Variants in AKAIN1 observed in about 807,000 individuals in gnomAD.
AKAIN1 encodes the protein A-kinase anchor inhibitor 1.
A neutral mutation model predicts 3.7 loss-of-function variants in AKAIN1; 3 were observed. The observed-to-expected ratio is 0.82, with a 90% confidence interval of 0.37 to 2.12. The LOEUF is 2.12. Ranked by LOEUF, AKAIN1 falls within the 30% of genes most tolerant of loss-of-function variation. The pLI, the probability that AKAIN1 is intolerant of heterozygous loss-of-function variation, is 0.06. For missense variants in AKAIN1, 82 were observed against 82.7 expected (o/e 0.99, Z 0.03); for synonymous variants, 31 against 30.8 (o/e 1.01, Z -0.02).
chr18:5,187,496 G>A (rs935841205), intron 1 of AKAIN1, among the ~76,000 whole-genome samples: 1 of 152,154 alleles, frequency 6.6e-6, no homozygotes, highest in African/African-American at 2.4e-5. Flanking sequence ...ATGGTGGGAA[G>A]GTGGAAGGCA....
At chr18:5,171,509 C>T (rs536847655) in intron 1 of AKAIN1, among the ~76,000 whole-genome samples, 1 of 151,982 alleles carries the variant, frequency 6.6e-6, no homozygotes, top group Admixed American at 6.6e-5. Flanking sequence ...ATCTAATAAT[C>T]CAATAAAAAA....
intron 1 of AKAIN1, among the ~76,000 whole-genome samples, chr18:5,155,567 A>G (rs1482676618): frequency 6.6e-6 from 1 of 152,110 alleles, no homozygotes; most frequent in Non-Finnish European, 1.5e-5. Context: ...GTAGCCCTCT[A>G]TGAGAAACAA....
intron 1 of AKAIN1, among the ~76,000 whole-genome samples, chr18:5,190,767 T>C (rs185237762): frequency 2.0e-5 from 3 of 152,304 alleles, no homozygotes; most frequent in Non-Finnish European, 2.9e-5. Context: ...ATGAATGCCT[T>C]CTTCCTGTAT....
intron 1 of AKAIN1, among the ~76,000 whole-genome samples, chr18:5,195,995 T>C (rs1350107450): frequency 6.6e-6 from 1 of 152,082 alleles, no homozygotes; most frequent in East Asian, 1.9e-4. Context: ...GCTAATTGAA[T>C]TTTTTGAAGA....
chr18:5,176,715 G>T (rs9945996), intron 1 of AKAIN1, among the ~76,000 whole-genome samples: 20,954 of 152,028 alleles, frequency 0.14, 2,467 homozygotes, highest in African/African-American at 0.32. Context: ...AAAAGTAATG[G>T]CTAGATAATA....
chr18:5,195,241 A>C (rs947328245), intron 1 of AKAIN1, among the ~76,000 whole-genome samples: 1 of 152,168 alleles, frequency 6.6e-6, no homozygotes, highest in Non-Finnish European at 1.5e-5. Flanking sequence ...TACTTTCCAC[A>C]CAGAACAAAA....
intron 1 of AKAIN1, among the ~76,000 whole-genome samples, chr18:5,175,539 C>T (rs2071221395): frequency 6.6e-6 from 1 of 152,132 alleles, no homozygotes; most frequent in African/African-American, 2.4e-5. Context: ...GTGCTTAGTT[C>T]CTTTTCCTTT....
intron 1 of AKAIN1, among the ~76,000 whole-genome samples, chr18:5,194,042 G>C (rs2071335219): frequency 6.6e-6 from 1 of 152,092 alleles, no homozygotes; most frequent in Admixed American, 6.5e-5. Context: ...CCTCATTTTA[G>C]TCTTTAGCCT....
chr18:5,185,494 T>A (rs2071281962), intron 1 of AKAIN1, among the ~76,000 whole-genome samples: 1 of 151,816 alleles, frequency 6.6e-6, no homozygotes, highest in African/African-American at 2.4e-5. Context: ...TTAAACAAAT[T>A]CACAAGCAAA....
chr18:5,173,862 T>C (rs1209920703), intron 1 of AKAIN1, among the ~76,000 whole-genome samples: 1 of 151,992 alleles, frequency 6.6e-6, no homozygotes, highest in Non-Finnish European at 1.5e-5. Flanking sequence ...TGTGCGCCAT[T>C]AGAGACCGAG....
At chr18:5,168,847 C>T (rs1237061755) in intron 1 of AKAIN1, among the ~76,000 whole-genome samples, 1 of 147,638 alleles carries the variant, frequency 6.8e-6, no homozygotes, top group African/African-American at 2.5e-5. Context: ...CTTGTTTCCT[C>T]ATATGAGGCA....
intron 1 of AKAIN1, among the ~76,000 whole-genome samples, chr18:5,155,371 A>G (rs928001255): frequency 2.0e-5 from 3 of 152,114 alleles, no homozygotes; most frequent in African/African-American, 7.2e-5. Context: ...ATGAATCTCA[A>G]TTGCGCATGC....
chr18:5,183,695 A>G (rs1207171261), intron 1 of AKAIN1, among the ~76,000 whole-genome samples: 3 of 152,134 alleles, frequency 2.0e-5, no homozygotes, highest in African/African-American at 7.2e-5. Context: ...CTATAAAGTT[A>G]CTGCAAACAC....
rs549132269 is a variant in AKAIN1, at chr18:5,144,149, T to C, written c.*1413A>G. ...TATTCCACCTGTGCACTGTGGGAGA[T>C]AGCATAACAAAGCTGGTAAGATATT... is the stretch of plus-strand genomic sequence containing the variant. On this transcript the variant is annotated 3_prime_UTR_variant, in exon 2 of 2. Coordinates refer to ENST00000434239, the MANE Select transcript of AKAIN1 (RefSeq NM_001145194.2). 2.6e-5 allele frequency among the ~76,000 whole-genome samples: 4 copies of C among 152,318 alleles called. No homozygotes were observed. Among genetic ancestry groups the C allele is most frequent in the South Asian group, 4.1e-4 (2 of 4,824 alleles).
At chr18:5,167,181 T>C (rs1221876394) in intron 1 of AKAIN1, among the ~76,000 whole-genome samples, 2 of 152,066 alleles carry the variant, frequency 1.3e-5, no homozygotes, top group Non-Finnish European at 2.9e-5. Context: ...ATATGGCAGT[T>C]CAAGTGAGCA....
chr18:5,165,610 C>T (rs1462521219), intron 1 of AKAIN1, among the ~76,000 whole-genome samples: 1 of 151,954 alleles, frequency 6.6e-6, no homozygotes, highest in Non-Finnish European at 1.5e-5. Context: ...GAGAGCTTGA[C>T]TCAGACGTCA....
chr18:5,153,983 G>C lies in AKAIN1; in HGVS notation c.17-8228C>G, dbSNP rs148995689. Among the ~76,000 whole-genome samples, 38 of 152,306 alleles carry C rather than the reference G, an allele frequency of 2.5e-4. 1 individual carries two copies. The Middle Eastern group carries it at 0.017, about 68-fold the overall frequency. On this transcript the variant is annotated intron_variant, in intron 1 of 1. Coordinates refer to ENST00000434239, the MANE Select transcript of AKAIN1 (RefSeq NM_001145194.2). ...AAACTGCTTCACACCTGGAAGCCTA[G>C]CACTTTGGGAGGCTGGGGCGGGAGG...
At chr18:5,176,678 T>C (rs2071228665) in intron 1 of AKAIN1, among the ~76,000 whole-genome samples, 1 of 152,160 alleles carries the variant, frequency 6.6e-6, no homozygotes, top group African/African-American at 2.4e-5. Flanking sequence ...TCTCTTTCTT[T>C]CATAAAAAGA....
chr18:5,193,331 G>A (rs376556974), intron 1 of AKAIN1, among the ~76,000 whole-genome samples: 1 of 152,212 alleles, frequency 6.6e-6, no homozygotes, highest in East Asian at 1.9e-4. Context: ...CAATTCACCT[G>A]ACTTGAAGGC....
Sources: gnomAD v4.1 joint callset for allele counts (sites outside exome capture counted in the v4.1 genomes callset) on GRCh38, gnomAD v4.1.1 for gene constraint, MANE v1.5 for transcripts, NCBI Gene and HGNC (gene_info 2026-07-23, HGNC 2026-07-21) for gene names.